The following PSMA1 variants were observed in gnomAD, a reference collection of about 807,000 sequenced individuals.
The protein encoded by PSMA1 is proteasome 20S subunit alpha 1.
A neutral mutation model predicts 38.4 loss-of-function variants in PSMA1; 3 were observed. That is an observed-to-expected ratio of 0.08 (90% CI 0.04 to 0.20). The LOEUF (loss-of-function observed/expected upper bound fraction) is 0.20. Ranked by LOEUF, PSMA1 falls within the 10% of genes least tolerant of loss-of-function variation. The pLI is 1.00. For synonymous variants in PSMA1, 101 were observed against 107.1 expected, an observed-to-expected ratio of 0.94 and a Z score of 0.35; for missense variants, 227 against 325.3, an observed-to-expected ratio of 0.70 and a Z score of 2.32.
chr11:14,626,238 CACT>C (rs911960341), intron 1 of PSMA1, among the ~76,000 whole-genome samples: 4 of 151,672 alleles, frequency 2.6e-5, no homozygotes, highest in African/African-American at 7.3e-5. Flanking sequence ...TTGAGCAAAA[CACT>C]ACTAGAAAAT....
intron 2 of PSMA1, among the ~76,000 whole-genome samples, chr11:14,582,025 T>G (rs992261787): frequency 3.9e-5 from 6 of 152,152 alleles, no homozygotes; most frequent in Non-Finnish European, 5.9e-5. Flanking sequence ...TACTGCTGAG[T>G]GAGCAGAAAA....
chr11:14,614,869 T>C (rs1852752448), intron 1 of PSMA1, among the ~76,000 whole-genome samples: 2 of 152,188 alleles, frequency 1.3e-5, no homozygotes, highest in Admixed American at 6.5e-5. Flanking sequence ...TACACTGCCA[T>C]TGGAGGGATC....
At chr11:14,634,563 T>C (rs1249189709) in intron 1 of PSMA1, among the ~76,000 whole-genome samples, 1 of 152,126 alleles carries the variant, frequency 6.6e-6, no homozygotes, top group Non-Finnish European at 1.5e-5. Flanking sequence ...CAGGCTAGTC[T>C]TGAACTCCTG....
At chr11:14,565,391 T>C (rs1044769030) in intron 2 of PSMA1, among the ~76,000 whole-genome samples, 11 of 152,234 alleles carry the variant, frequency 7.2e-5, no homozygotes, top group Admixed American at 1.3e-4. Flanking sequence ...CTTTCATTGA[T>C]TTCTGCCCTT....
intron 4 of PSMA1, among the ~76,000 whole-genome samples, chr11:14,516,389 A>G (rs564219265): frequency 7.9e-5 from 12 of 152,316 alleles, no homozygotes; most frequent in South Asian, 4.1e-4. Flanking sequence ...AATTTTTTGT[A>G]GAGATGGGGA....
At chr11:14,575,964 A>G (rs1446125110) in intron 2 of PSMA1, among the ~76,000 whole-genome samples, 2 of 152,156 alleles carry the variant, frequency 1.3e-5, no homozygotes, top group African/African-American at 2.4e-5. Context: ...AACTGGTGTG[A>G]GATGGTATCT....
chr11:14,600,861 T>C (rs1313156212), intron 2 of PSMA1, among the ~76,000 whole-genome samples: 1 of 152,238 alleles, frequency 6.6e-6, no homozygotes, highest in Non-Finnish European at 1.5e-5. Flanking sequence ...GCTGTTCCTA[T>C]TTGGCCATCT....
chr11:14,629,860 G>C (rs1325520003), intron 1 of PSMA1, among the ~76,000 whole-genome samples: 2 of 152,054 alleles, frequency 1.3e-5, no homozygotes, highest in Non-Finnish European at 2.9e-5. Context: ...GTGGTTTGTA[G>C]TTCTTCTTGA....
At chr11:14,576,713 T>C (rs1162859454) in intron 2 of PSMA1, among the ~76,000 whole-genome samples, 3 of 152,224 alleles carry the variant, frequency 2.0e-5, no homozygotes, top group Non-Finnish European at 2.9e-5. Context: ...TCAGATAGCA[T>C]GATGCCTCCA....
chr11:14,583,214 T>G (rs1852303424), intron 2 of PSMA1, among the ~76,000 whole-genome samples: 1 of 152,232 alleles, frequency 6.6e-6, no homozygotes, highest in East Asian at 1.9e-4. Context: ...CCTCTTTGTT[T>G]TCCTCCACCT....
chr11:14,583,583 C>T (rs1852306674), intron 2 of PSMA1, among the ~76,000 whole-genome samples: 2 of 152,202 alleles, frequency 1.3e-5, no homozygotes. Context: ...TCAGGGCAAA[C>T]CTGCAGATGA....
chr11:14,545,340 C>A (rs549505406), intron 2 of PSMA1, among the ~76,000 whole-genome samples: 1 of 152,134 alleles, frequency 6.6e-6, no homozygotes, highest in Non-Finnish European at 1.5e-5. Flanking sequence ...CCAGGATACA[C>A]GTGCAGGACG....
intron 2 of PSMA1, among the ~76,000 whole-genome samples, chr11:14,576,369 A>C (rs1221541321): frequency 6.6e-6 from 1 of 152,152 alleles, no homozygotes; most frequent in Non-Finnish European, 1.5e-5. Flanking sequence ...CTATGTCCTG[A>C]ATGGTATTGC....
rs73428240 is a variant in PSMA1, at chr11:14,612,395, A to G, written c.-165-1244T>C. ...TAAACTATTTCCTTACTTTCCTTCA[A>G]TTGAAAGTATGATCATATATGTATT... is the stretch of plus-strand genomic sequence containing the variant. On this transcript the variant is annotated intron_variant, in intron 1 of 10. Transcript: ENST00000418988. Among the ~76,000 whole-genome samples the G allele has an allele frequency of 4.6e-3, 696 of 152,312 alleles. 9 individuals are homozygous for G. Among genetic ancestry groups the G allele is most frequent in the African/African-American group, 0.016 (665 of 41,566 alleles).
intron 1 of PSMA1, among the ~76,000 whole-genome samples, chr11:14,621,949 C>T (rs901253666): frequency 1.3e-5 from 2 of 152,120 alleles, no homozygotes; most frequent in Non-Finnish European, 2.9e-5. Context: ...CTCATTTAAT[C>T]CTCATAACCC....
chr11:14,524,814 C>A (rs551993412), upstream of PSMA1, among the ~76,000 whole-genome samples: 3 of 152,188 alleles, frequency 2.0e-5, no homozygotes, highest in Admixed American at 6.5e-5. Flanking sequence ...GCCCAAGGAA[C>A]ATCTCACCGA....
chr11:14,518,044 G>A, intron 2 of PSMA1, 63 bp from the exon 3 acceptor site: 2 of 1,219,532 alleles, frequency 1.6e-6, no homozygotes, highest in Non-Finnish European at 1.1e-6. Flanking sequence ...AAAAATTAGG[G>A]TTTTCAAATA....
At chr11:14,569,635 C>A (rs915612069) in intron 2 of PSMA1, among the ~76,000 whole-genome samples, 1 of 152,198 alleles carries the variant, frequency 6.6e-6, no homozygotes, top group Non-Finnish European at 1.5e-5. Flanking sequence ...TGAGATCAAA[C>A]GGCAAGGCGG....
upstream of PSMA1, among the ~76,000 whole-genome samples, chr11:14,523,356 G>A (rs1249488809): frequency 6.6e-6 from 1 of 152,038 alleles, no homozygotes; most frequent in East Asian, 1.9e-4. Flanking sequence ...CTGTAACCTT[G>A]AACTCCTGGG....
Sources: allele counts gnomAD v4.1 joint callset (sites outside exome capture counted in the v4.1 genomes callset), GRCh38; gene constraint gnomAD v4.1.1; transcripts MANE v1.5; gene names NCBI Gene and HGNC (gene_info 2026-07-23, HGNC 2026-07-21).